Variants in SYT2 observed in about 807,000 individuals in gnomAD.
The protein encoded by SYT2 is synaptotagmin 2.
In SYT2, 15 loss-of-function variants were observed where a neutral mutation model predicts 39.9. That is an observed-to-expected ratio of 0.38 (90% confidence interval 0.25 to 0.58). The LOEUF (loss-of-function observed/expected upper bound fraction) is 0.58, where lower values mean the gene tolerates loss of function less well. Ranked by LOEUF, SYT2 falls within the 20% of genes least tolerant of loss-of-function variation. SYT2 has a pLI of 0.70. For synonymous variants in SYT2, 181 were observed against 204.5 expected (o/e 0.89, Z 0.98); for missense variants, 389 against 530.3 (o/e 0.73, Z 2.62).
intron 1 of SYT2, among the ~76,000 whole-genome samples, chr1:202,612,059 A>G (rs546828754): frequency 6.6e-6 from 1 of 152,292 alleles, no homozygotes; most frequent in Non-Finnish European, 1.5e-5. Flanking sequence ...CTATGTTTCT[A>G]CAATCCACTT....
intron 1 of SYT2, among the ~76,000 whole-genome samples, chr1:202,648,434 G>C (rs938341580): frequency 6.6e-6 from 1 of 152,116 alleles, no homozygotes. Context: ...TGCCCACCTT[G>C]GCCTTTCAAA....
At chr1:202,618,871 T>C (rs959155210) in intron 1 of SYT2, among the ~76,000 whole-genome samples, 13 of 152,044 alleles carry the variant, frequency 8.6e-5, no homozygotes, top group African/African-American at 3.1e-4. Flanking sequence ...CTGTCCCTTC[T>C]AGAGTCAGAG....
intron 1 of SYT2, among the ~76,000 whole-genome samples, chr1:202,668,006 C>G (rs1198890310): frequency 2.6e-5 from 4 of 152,148 alleles, no homozygotes; most frequent in Non-Finnish European, 5.9e-5. Context: ...CCATCGCGCC[C>G]GGCCCAGATA....
At chr1:202,629,453 G>A (rs1482763119) in intron 1 of SYT2, among the ~76,000 whole-genome samples, 1 of 152,138 alleles carries the variant, frequency 6.6e-6, no homozygotes, top group Admixed American at 6.6e-5. Context: ...TCATTTGTGG[G>A]TATCAAGTTC....
Position 202,602,005 on chromosome 1 carries a change from A to C in SYT2, c.686T>G (p.Phe229Cys). The change falls in exon 6 of 9, where the codon TTT becomes TGT. Residue 229 changes from phenylalanine to cysteine, a missense_variant. Phe to Cys is a radical substitution (Grantham distance 205, BLOSUM62 -2). Coordinates refer to ENST00000367268, the MANE Select transcript of SYT2 (RefSeq NM_177402.5). Reference sequence around the variant, plus strand: ...GATGTCATGTTTGGAGAAGCGGTCAAAGTCATAGATGGCCATCACCAGAGT... The same window carrying C: ...GATGTCATGTTTGGAGAAGCGGTCACAGTCATAGATGGCCATCACCAGAGT... ...GKTLVMAIYD[F>C]DRFSKHDIIG... The C allele has an allele frequency of 6.2e-7, 1 of 1,614,146 alleles. No individual in the cohort carries two copies. Among genetic ancestry groups the C allele is most frequent in the Non-Finnish European group, 8.5e-7 (1 of 1,180,020 alleles).
rs1192301107 is a variant in SYT2 at position 202,614,814 on chromosome 1, AG to A, written c.-17-9026del. Among the ~76,000 whole-genome samples, 2 of 152,214 alleles carry A rather than the reference AG, an allele frequency of 1.3e-5. No individual in the cohort carries two copies. The highest frequency in any genetic ancestry group is 2.9e-5 in the Non-Finnish European group (2 of 68,032). ...CCAAAGCCTGAGAGAAGGCCAGGGC[AG>A]CTGGAGTGGATGGATCACGGTTCAG... On this transcript the variant is annotated intron_variant, in intron 1 of 8. Coordinates refer to ENST00000367268, the MANE Select transcript of SYT2 (RefSeq NM_177402.5). This position sits in a 1 kb window ranked among gnomAD's most constrained non-coding sequence, Gnocchi z 4.0.
chr1:202,621,894 G>A (rs576058467), intron 1 of SYT2, among the ~76,000 whole-genome samples: 2 of 152,310 alleles, frequency 1.3e-5, no homozygotes, highest in East Asian at 3.9e-4. Context: ...AGATGAGTAA[G>A]TTCAATCCTC....
intron 1 of SYT2, among the ~76,000 whole-genome samples, chr1:202,671,049 G>T (rs373764783): frequency 5.3e-5 from 8 of 152,192 alleles, no homozygotes; most frequent in African/African-American, 1.9e-4. Flanking sequence ...TAAGCAGCCC[G>T]CCACTCCCAT....
chr1:202,641,194 A>C (rs1231683725), intron 1 of SYT2, among the ~76,000 whole-genome samples: 1 of 152,230 alleles, frequency 6.6e-6, no homozygotes, highest in Non-Finnish European at 1.5e-5. Context: ...CTCCCCCTCC[A>C]GGGGTGTGCC....
intron 1 of SYT2, among the ~76,000 whole-genome samples, chr1:202,613,911 AAAT>A (rs1690957616): frequency 6.6e-6 from 1 of 152,266 alleles, no homozygotes; most frequent in African/African-American, 2.4e-5. Context: ...AAATTGTGGA[AAAT>A]AATACCTACT....
rs1194205437 is a variant in SYT2, at chr1:202,590,974, T to A, written c.*5783A>T. ...GCAGGTGGGATGGAGGAACTCCTGG[T>A]GCCCCATGCACACTGCTCCCATCAC... On this transcript the variant is annotated 3_prime_UTR_variant, in exon 9 of 9. Coordinates refer to ENST00000367268, the MANE Select transcript of SYT2 (RefSeq NM_177402.5). 1 of 152,262 alleles carries A rather than the reference T, an allele frequency of 6.6e-6. No homozygotes were observed. Among genetic ancestry groups the A allele is most frequent in the African/African-American group, 2.4e-5 (1 of 41,448 alleles). 9.4% of individuals were successfully genotyped at this position (152,262 alleles called of 1,614,324 possible).
At position 202,691,058 on chromosome 1, in the gene SYT2, G is replaced by A. The variant is rs143803239; in HGVS notation, c.-18+19200C>T. ...CTAAGCAAGAGTCTGCCTCCACTTC[G>A]TCCAGACCCCTCCGCCCCCTAAGAA... On this transcript the variant is annotated intron_variant, in intron 1 of 8. Coordinates refer to ENST00000367268, the MANE Select transcript of SYT2 (RefSeq NM_177402.5). 8.5e-4 allele frequency among the ~76,000 whole-genome samples: 129 copies of A among 152,226 alleles called. 1 individual carries two copies. In the East Asian group the frequency reaches 0.014, roughly 16 times the overall value.
intron 1 of SYT2, among the ~76,000 whole-genome samples, chr1:202,701,785 C>T (rs1468345354): frequency 6.6e-6 from 1 of 152,190 alleles, no homozygotes; most frequent in Non-Finnish European, 1.5e-5. Flanking sequence ...CCCAGGGACC[C>T]GTGGCCCCCA....
In SYT2 at chr1:202,590,867, A is replaced by C. The variant is rs1690083443; in HGVS notation, c.*5890T>G. 1 of 152,098 alleles carries C rather than the reference A, an allele frequency of 6.6e-6. No individual in the cohort carries two copies. Among genetic ancestry groups the C allele is most frequent in the South Asian group, 2.1e-4 (1 of 4,818 alleles). 9.4% of individuals were successfully genotyped at this position (152,098 alleles called of 1,614,324 possible). ...GCCCCAGGGTTTTCAGAAAGCAGCA[A>C]ATCAAGTCCTTAGATGGGCAGGAGT... On this transcript the variant is annotated 3_prime_UTR_variant, in exon 9 of 9. Transcript: ENST00000367268.
At position 202,602,096 on chromosome 1, in the gene SYT2, C is replaced by A. The variant is rs759622109; in HGVS notation, c.634-39G>T. 12 of 1,608,956 alleles carry A rather than the reference C, an allele frequency of 7.5e-6. No homozygotes were observed. The South Asian group carries it at 1.3e-4, about 18-fold the overall frequency. On this transcript the variant is annotated intron_variant, in intron 5 of 8. Transcript: ENST00000367268. ...GCAGAATCAGAGGGGGCCAGAGCGA[C>A]TCACGCACCTCCAGGGGTGCTATGG...
At chr1:202,660,555 T>C (rs1692357098) in intron 1 of SYT2, among the ~76,000 whole-genome samples, 1 of 152,236 alleles carries the variant, frequency 6.6e-6, no homozygotes, top group South Asian at 2.1e-4. Flanking sequence ...CTCCAGAGAT[T>C]TTGATTCAGC....
rs12074979 is a variant in SYT2, at chr1:202,630,336, G to A, written c.-17-24547C>T. ...GTGCTGGAGGACACATGGGGAGAGG[G>A]AACACAGACCCCAATAGAGCGCCGT... On this transcript the variant is annotated intron_variant, in intron 1 of 8. Coordinates refer to ENST00000367268, the MANE Select transcript of SYT2 (RefSeq NM_177402.5). The A allele has an allele frequency of 2.4e-5, 24 of 982,504 alleles. No homozygotes were observed. The African/African-American group carries it at 4.0e-4, about 16-fold the overall frequency. 60.9% of individuals were successfully genotyped at this position (982,504 alleles called of 1,614,324 possible).
chr1:202,698,362 C>T (rs1654028231), intron 1 of SYT2, among the ~76,000 whole-genome samples: 1 of 152,082 alleles, frequency 6.6e-6, no homozygotes, highest in African/African-American at 2.4e-5. Context: ...CGTGTGCTCC[C>T]CATTATGCCA....
chr1:202,651,603 T>C (rs1268963602), intron 1 of SYT2, among the ~76,000 whole-genome samples: 1 of 152,210 alleles, frequency 6.6e-6, no homozygotes, highest in African/African-American at 2.4e-5. Context: ...AAATGCTGGT[T>C]CATTCTTTCC....
Sources: gnomAD v4.1 joint callset for allele counts (sites outside exome capture counted in the v4.1 genomes callset) on GRCh38, gnomAD v4.1.1 for gene constraint, Gnocchi (gnomAD v3.1) non-coding constraint, MANE v1.5 for transcripts, NCBI Gene and HGNC (gene_info 2026-07-23, HGNC 2026-07-21) for gene names.